The following BMPR2 variants were observed in gnomAD, a reference collection of about 807,000 sequenced individuals.
BMPR2 encodes the protein bone morphogenetic protein receptor type 2.
In BMPR2, 29 loss-of-function variants were observed where a neutral mutation model predicts 100.8. The observed-to-expected ratio is 0.29, with a 90% CI of 0.21 to 0.39. The LOEUF (loss-of-function observed/expected upper bound fraction) is 0.39. BMPR2 is among the 10% of genes least tolerant of loss of function. The pLI, the probability that BMPR2 is intolerant of heterozygous loss-of-function variation, is 1.00. For missense variants in BMPR2, 1,011 were observed against 1,274.5 expected, an observed-to-expected ratio of 0.79 and a Z score of 3.15; for synonymous variants, 382 against 442.3, an observed-to-expected ratio of 0.86 and a Z score of 1.71.
chr2:202,513,565 A>G (rs1687660113), intron 3 of BMPR2, among the ~76,000 whole-genome samples, 154 bp from the exon 4 acceptor site: 2 of 152,194 alleles, frequency 1.3e-5, no homozygotes, highest in African/African-American at 2.4e-5. Flanking sequence ...TAATTATCAC[A>G]TTTATTACTA....
intron 1 of BMPR2, among the ~76,000 whole-genome samples, chr2:202,387,032 A>C (rs992278286): frequency 2.0e-5 from 3 of 152,106 alleles, no homozygotes; most frequent in Non-Finnish European, 4.4e-5. Context: ...GCTTAAAACT[A>C]TTGTCTTCCC....
intron 10 of BMPR2, among the ~76,000 whole-genome samples, chr2:202,551,215 G>A (rs1056264036): frequency 6.6e-6 from 1 of 151,890 alleles, no homozygotes; most frequent in Non-Finnish European, 1.5e-5. Flanking sequence ...TAAAAAGGGA[G>A]TTAAAACCAG....
At chr2:202,434,897 AAAAAAAAAAAAATAT>A (rs1469675509) in intron 1 of BMPR2, among the ~76,000 whole-genome samples, 5 of 72,026 alleles carry the variant, frequency 6.9e-5, no homozygotes, top group African/African-American at 1.7e-4. Context: ...AAAAAAAAAA[AAAAAAAAAAAAATAT>A]ATATATATAT....
Position 202,560,632 on chromosome 2 carries a change from C to T in BMPR2, c.*686C>T, listed in dbSNP as rs886055475. 6.5e-6 allele frequency: 1 copy of T among 152,682 alleles called. No individual in the cohort carries two copies. The highest frequency in any genetic ancestry group is 6.5e-5 in the Admixed American group (1 of 15,272). The allele number at this position is 152,682 out of a possible 1,614,324, so 9.5% of individuals were successfully genotyped here. ...TACCTGATTTCTTACTTTCTCTCTCCTTATCATGGAGAATACAGAAACATT... is the reference window on the plus strand; with the variant it reads ...TACCTGATTTCTTACTTTCTCTCTCTTTATCATGGAGAATACAGAAACATT... On this transcript the variant is annotated 3_prime_UTR_variant, in exon 13 of 13. Transcript: ENST00000374580.
intron 1 of BMPR2, among the ~76,000 whole-genome samples, chr2:202,410,694 C>T (rs1340345583): frequency 2.0e-5 from 3 of 152,114 alleles, no homozygotes; most frequent in Non-Finnish European, 4.4e-5. Flanking sequence ...ATTCTCCTTC[C>T]TCAGCCACCC....
chr2:202,396,842 G>A (rs1690665952), intron 1 of BMPR2, among the ~76,000 whole-genome samples: 1 of 151,966 alleles, frequency 6.6e-6, no homozygotes. Flanking sequence ...TTCTTGCCCA[G>A]GCTGGAGTGC....
At chr2:202,547,786 A>C (rs1282199035) in intron 10 of BMPR2, among the ~76,000 whole-genome samples, 3 of 141,896 alleles carry the variant, frequency 2.1e-5, no homozygotes, top group Non-Finnish European at 4.6e-5. Context: ...CATCACAAAA[A>C]AAAAAAAAAA....
intron 1 of BMPR2, among the ~76,000 whole-genome samples, chr2:202,429,289 A>G (rs966339762): frequency 6.6e-6 from 1 of 152,178 alleles, no homozygotes; most frequent in African/African-American, 2.4e-5. Flanking sequence ...AATGAAGTTC[A>G]AACTCCTTAT....
chr2:202,532,001 G>A lies in BMPR2; in HGVS notation c.1129-584G>A, dbSNP rs1204918805. 6.5e-5 allele frequency among the ~76,000 whole-genome samples: 9 copies of A among 138,222 alleles called. No homozygotes were observed. Among genetic ancestry groups the A allele is most frequent in the African/African-American group, 2.7e-5 (1 of 37,210 alleles). The allele number at this position is 138,222 out of a possible 152,430, so 90.7% of individuals were successfully genotyped here. ...GTCACCCAGGCTGGAGTGCAGTGGC[G>A]CGATCATGGCTCACTGCAAGCTCCA... On this transcript the variant is annotated intron_variant, in intron 8 of 12. Transcript: ENST00000374580. This position sits in a 1 kb window ranked among gnomAD's most constrained non-coding sequence, Gnocchi z 4.1.
chr2:202,477,125 C>T (rs905364296), intron 3 of BMPR2, among the ~76,000 whole-genome samples: 1 of 152,100 alleles, frequency 6.6e-6, no homozygotes, highest in Non-Finnish European at 1.5e-5. Flanking sequence ...AGCCTCTGTG[C>T]ATCAATTACT....
chr2:202,377,150 GAAA>G lies in BMPR2; in HGVS notation c.-324_-322del. On this transcript the variant is annotated 5_prime_UTR_variant, in exon 1 of 13. Coordinates refer to ENST00000374580, the MANE Select transcript of BMPR2 (RefSeq NM_001204.7). Reference sequence around the variant, plus strand: ...GACCTGGATATTTTTTTGATATCGTGAAACTACGAGGGAAATAATTTGGGGGAT... The same window carrying G: ...GACCTGGATATTTTTTTGATATCGTGCTACGAGGGAAATAATTTGGGGGAT... 1.7e-6 allele frequency: 1 copy of G among 582,186 alleles called. No homozygotes were observed. The allele number at this position is 582,186 out of a possible 1,614,324, so 36.1% of individuals were successfully genotyped here.
chr2:202,521,024 G>A (rs1687810548), intron 7 of BMPR2: 1 of 153,548 alleles, frequency 6.5e-6, no homozygotes. Context: ...CCTCATGCTT[G>A]TCCTGGCCTG....
intron 1 of BMPR2, among the ~76,000 whole-genome samples, chr2:202,405,442 A>C (rs760038858): frequency 1.3e-5 from 2 of 152,078 alleles, no homozygotes; most frequent in Admixed American, 6.6e-5. Flanking sequence ...TAATCCCAGC[A>C]CTTTGGAGGG....
chr2:202,534,697 TC>T (rs1284866420), intron 9 of BMPR2, among the ~76,000 whole-genome samples: 1 of 152,188 alleles, frequency 6.6e-6, no homozygotes, highest in Non-Finnish European at 1.5e-5. Context: ...GATTTCTCAA[TC>T]TTTTCCCCAC....
chr2:202,425,569 A>G (rs1414565308), intron 1 of BMPR2, among the ~76,000 whole-genome samples: 1 of 152,222 alleles, frequency 6.6e-6, no homozygotes, highest in Non-Finnish European at 1.5e-5. Flanking sequence ...GCTTTAGGCT[A>G]AACTTTATTT....
At chr2:202,440,336 G>A (rs1009217026) in intron 1 of BMPR2, among the ~76,000 whole-genome samples, 3 of 149,174 alleles carry the variant, frequency 2.0e-5, no homozygotes, top group Non-Finnish European at 2.9e-5. Flanking sequence ...ACGGGGTCGC[G>A]GCCGGGCACA....
chr2:202,378,936 T>G (rs1387118520), intron 1 of BMPR2, among the ~76,000 whole-genome samples: 2 of 152,218 alleles, frequency 1.3e-5, no homozygotes, highest in African/African-American at 4.8e-5. Context: ...CTTAACCTTT[T>G]TAGAATATAG....
chr2:202,457,559 T>TAGAG (rs780572150), intron 1 of BMPR2, among the ~76,000 whole-genome samples: 17 of 89,070 alleles, frequency 1.9e-4, no homozygotes, highest in East Asian at 1.1e-3. Context: ...TATATATATA[T>TAGAG]ATAGAGAGAG....
Position 202,559,936 on chromosome 2 carries a change from A to G in BMPR2, c.3107A>G (p.Asn1036Ser). The G allele has an allele frequency of 6.2e-7, 1 of 1,614,062 alleles. No individual in the cohort carries two copies. Among genetic ancestry groups the G allele is most frequent in the Non-Finnish European group, 8.5e-7 (1 of 1,179,996 alleles). ...TTMVSKDIGM[N>S]CL ...ATGGTGTCTAAAGATATAGGAATGA[A>G]CTGTCTGTGAAATGTTTTCAAGCCT... is the stretch of plus-strand genomic sequence containing the variant. The change falls in exon 13 of 13, where the codon AAC (asparagine) becomes AGC (serine). Residue 1036 changes from asparagine to serine, a missense_variant. Physicochemically the swap from Asn to Ser is conservative, Grantham distance 46. Coordinates refer to ENST00000374580, the MANE Select transcript of BMPR2 (RefSeq NM_001204.7).
Sources: gnomAD v4.1 joint callset for allele counts (sites outside exome capture counted in the v4.1 genomes callset) on GRCh38, gnomAD v4.1.1 for gene constraint, Gnocchi (gnomAD v3.1) non-coding constraint, MANE v1.5 for transcripts, NCBI Gene and HGNC (gene_info 2026-07-23, HGNC 2026-07-21) for gene names.